Variants in ROS1 observed in about 807,000 individuals in gnomAD.
The protein encoded by ROS1 is ROS proto-oncogene 1, receptor tyrosine kinase.
A neutral mutation model predicts 273.5 loss-of-function variants in ROS1; 263 were observed. The observed-to-expected ratio is 0.96, with a 90% CI of 0.87 to 1.06. The LOEUF is 1.06. Ranked by LOEUF, ROS1 falls within the 50% of genes least tolerant of loss-of-function variation. The pLI is 0.00. For synonymous variants in ROS1, 1,008 were observed against 954.1 expected, an observed-to-expected ratio of 1.06 and a Z score of -1.04; for missense variants, 2,833 against 2,751.1, an observed-to-expected ratio of 1.03 and a Z score of -0.67.
In ROS1 at chr6:117,308,932, AG is replaced by A; in HGVS notation, c.6417-5del. 1 of 1,611,644 alleles carries A rather than the reference AG, an allele frequency of 6.2e-7. No homozygotes were observed. Among genetic ancestry groups the A allele is most frequent in the Non-Finnish European group, 8.5e-7 (1 of 1,178,922 alleles). ...CCAAATCAGAATTCCAAAAGACCTA[AG>A]AATAGTAGAGGGTTTGCTTTAATTA... On this transcript the variant is annotated splice_polypyrimidine_tract_variant and splice_region_variant and intron_variant, in intron 41 of 43. Transcript: ENST00000368507.
intron 42 of ROS1, among the ~76,000 whole-genome samples, chr6:117,304,002 G>T (rs988675042): frequency 1.3e-5 from 2 of 152,034 alleles, no homozygotes; most frequent in African/African-American, 4.8e-5. Context: ...GGTCAGAGTT[G>T]GTACACCATA....
intron 6 of ROS1, 145 bp downstream of exon 6, chr6:117,404,135 G>T: frequency 1.4e-6 from 1 of 716,654 alleles, no homozygotes; most frequent in Non-Finnish European, 2.3e-6. Flanking sequence ...GCAGGAGAAT[G>T]GTGTGAACCC....
chr6:117,318,958 G>A (rs1293484563), intron 37 of ROS1, among the ~76,000 whole-genome samples: 1 of 152,128 alleles, frequency 6.6e-6, no homozygotes, highest in African/African-American at 2.4e-5. Flanking sequence ...CAGTCATCTT[G>A]TTACATGAGA....
chr6:117,389,204 A>C, intron 13 of ROS1, 146 bp downstream of exon 13: 1 of 881,296 alleles, frequency 1.1e-6, no homozygotes, highest in East Asian at 2.4e-5. Context: ...CAAATGTATA[A>C]ACTTTTTTTT....
chr6:117,353,212 T>G, intron 26 of ROS1, 46 bp from the exon 27 acceptor site: 1 of 1,321,858 alleles, frequency 7.6e-7, no homozygotes, highest in South Asian at 1.7e-5. Flanking sequence ...ATTAATATCT[T>G]ACATTTTTTA....
At chr6:117,302,773 T>G (rs373683870) in intron 42 of ROS1, among the ~76,000 whole-genome samples, 2 of 152,330 alleles carry the variant, frequency 1.3e-5, no homozygotes, top group African/African-American at 4.8e-5. Flanking sequence ...TTCTTGACAA[T>G]GCTGGGTCTC....
rs188872283 is a variant in ROS1, at chr6:117,407,796, G to A, written c.316+1786C>T. 2.8e-4 allele frequency among the ~76,000 whole-genome samples: 42 copies of A among 152,188 alleles called. No homozygotes were observed. The East Asian group carries it at 5.2e-3, about 19-fold the overall frequency. On this transcript the variant is annotated intron_variant, in intron 5 of 43. Coordinates refer to ENST00000368507, the MANE Select transcript of ROS1 (RefSeq NM_001378902.1). The stretch of plus-strand genomic sequence containing the variant: ...AAAAGAACAAAGCTGGAGGCATCAC[G>A]CTACCTGACTTCACATTATACTACA...
At chr6:117,310,990 A>G (rs749487057) in intron 40 of ROS1, 30 bp downstream of exon 40, 3 of 1,403,894 alleles carry the variant, frequency 2.1e-6, no homozygotes, top group East Asian at 4.6e-5. Flanking sequence ...CAATATCCGT[A>G]ATAACCCTGT....
chr6:117,346,423 A>C (rs1778381935), intron 27 of ROS1, among the ~76,000 whole-genome samples: 1 of 152,094 alleles, frequency 6.6e-6, no homozygotes, highest in Non-Finnish European at 1.5e-5. Flanking sequence ...AAAGAAAATA[A>C]TGAGTATTAA....
intron 1 of ROS1, among the ~76,000 whole-genome samples, chr6:117,423,951 T>C (rs994010980): frequency 1.7e-4 from 26 of 152,320 alleles, no homozygotes; most frequent in Non-Finnish European, 3.4e-4. Context: ...GTGTCTCTCT[T>C]GCTGTTGCCA....
At chr6:117,305,609 G>A (rs993473017) in intron 42 of ROS1, among the ~76,000 whole-genome samples, 8 of 152,092 alleles carry the variant, frequency 5.3e-5, no homozygotes, top group African/African-American at 1.9e-4. Context: ...TAAGAAAAGA[G>A]GAGCTATATA....
intron 32 of ROS1, among the ~76,000 whole-genome samples, 156 bp downstream of exon 32, chr6:117,337,016 C>T (rs1392960218): frequency 6.6e-6 from 1 of 152,070 alleles, no homozygotes; most frequent in African/African-American, 2.4e-5. Flanking sequence ...CCTGCAAGGT[C>T]TCCTATATTT....
chr6:117,422,300 C>T (rs115353939), intron 1 of ROS1, among the ~76,000 whole-genome samples: 48 of 152,264 alleles, frequency 3.2e-4, no homozygotes, highest in African/African-American at 1.1e-3. Context: ...CATGAGCCAT[C>T]GCACTTAACC....
Position 117,288,380 on chromosome 6 carries a change from G to C in ROS1, c.*112C>G, listed in dbSNP as rs1484210590. 9.9e-7 allele frequency: 1 copy of C among 1,014,736 alleles called. No individual in the cohort carries two copies. The highest frequency in any genetic ancestry group is 1.4e-6 in the Non-Finnish European group (1 of 692,346). The allele number at this position is 1,014,736 out of a possible 1,614,324, so 62.9% of individuals were successfully genotyped here. A position where few individuals can be genotyped will look rare whatever the true frequency, so the allele number is the denominator to read the frequency against. Reference sequence around the variant, plus strand: ...GATTAGAAATCAGGAACGTTGCATTGTTTATTTGGAGTTATAGACCACCAT... The same window carrying C: ...GATTAGAAATCAGGAACGTTGCATTCTTTATTTGGAGTTATAGACCACCAT... On this transcript the variant is annotated 3_prime_UTR_variant, in exon 44 of 44. Transcript: ENST00000368507.
intron 31 of ROS1, among the ~76,000 whole-genome samples, chr6:117,339,289 C>G (rs1468472144): frequency 6.6e-6 from 1 of 151,938 alleles, no homozygotes; most frequent in Non-Finnish European, 1.5e-5. Flanking sequence ...TCAGTATGGC[C>G]CAGGGAAGAC....
At chr6:117,422,576 A>G (rs865865231) in intron 1 of ROS1, among the ~76,000 whole-genome samples, 9 of 152,082 alleles carry the variant, frequency 5.9e-5, no homozygotes, top group African/African-American at 1.9e-4. Flanking sequence ...ATTTTGTTTT[A>G]ATGTTATATA....
chr6:117,365,833 T>C (rs1030907571), intron 19 of ROS1, 92 bp from the exon 20 acceptor site: 78 of 1,070,854 alleles, frequency 7.3e-5, no homozygotes, highest in Non-Finnish European at 1.0e-4. Flanking sequence ...CAATTACTAA[T>C]AATTAGAACT....
At position 117,324,441 on chromosome 6, in the gene ROS1, A is replaced by T. The variant is rs3822950; in HGVS notation, c.5540-26T>A. The T allele has an allele frequency of 0.01, 11,533 of 1,114,328 alleles. 333 individuals carry two copies. Among genetic ancestry groups the T allele is most frequent in the East Asian group, 0.063 (2,579 of 41,188 alleles). The allele number at this position is 1,114,328 out of a possible 1,614,324, so 69.0% of individuals were successfully genotyped here. Reference sequence around the variant, plus strand: ...CTAATAATATAAATCAGAAAAAGAAATTAATTCATAGATAAAAGCTAAGTT... The same window carrying T: ...CTAATAATATAAATCAGAAAAAGAATTTAATTCATAGATAAAAGCTAAGTT... On this transcript the variant is annotated intron_variant, in intron 34 of 43. Coordinates refer to ENST00000368507, the MANE Select transcript of ROS1 (RefSeq NM_001378902.1).
chr6:117,425,123 C>T (rs1366482776), intron 1 of ROS1, among the ~76,000 whole-genome samples: 2 of 152,128 alleles, frequency 1.3e-5, no homozygotes, highest in Non-Finnish European at 2.9e-5. Context: ...TATCTGCTTC[C>T]TTTTTCATCC....
Sources: gnomAD v4.1 joint callset for allele counts (sites outside exome capture counted in the v4.1 genomes callset) on GRCh38, gnomAD v4.1.1 for gene constraint, MANE v1.5 for transcripts, NCBI Gene and HGNC (gene_info 2026-07-23, HGNC 2026-07-21) for gene names.